The following UBP1 variants were observed in gnomAD, a reference collection of about 807,000 sequenced individuals.
The protein encoded by UBP1 is upstream binding protein 1.
In UBP1, 22 loss-of-function variants were observed where a neutral mutation model predicts 76.1. That is an observed-to-expected ratio of 0.29 (90% CI 0.21 to 0.41). UBP1 has a LOEUF of 0.41. Ranked by LOEUF, UBP1 falls within the 10% of genes least tolerant of loss-of-function variation. The pLI is 1.00. For synonymous variants in UBP1, 224 were observed against 237.1 expected (o/e 0.94, Z 0.51); for missense variants, 436 against 668.1 (o/e 0.65, Z 3.83).
chr3:33,439,021 G>GGATAAAGGGCGGAGACTAAGCTCA (rs1469989722), intron 1 of UBP1, among the ~76,000 whole-genome samples: 2 of 152,190 alleles, frequency 1.3e-5, no homozygotes, highest in Non-Finnish European at 2.9e-5. Flanking sequence ...CAGTTAAAAA[G>GGATAAAGGGCGGAGACTAAGCTCA]GATAAAGGGC....
At chr3:33,440,548 G>C (rs2045282026), upstream of UBP1, 1 of 152,304 alleles carries the variant, frequency 6.6e-6, no homozygotes, top group Non-Finnish European at 1.5e-5. Context: ...CCGCCCACGC[G>C]GCTGTTCCCA....
In UBP1 at chr3:33,408,782, T is replaced by C. The variant is rs2044496876; in HGVS notation, c.835A>G (p.Ile279Val). Residue 279 changes from isoleucine (I) to valine (V), a missense_variant, in exon 8 of 16, where the codon ATA (isoleucine) becomes GTA (valine). Ile to Val is a conservative substitution (Grantham distance 29). Around this residue, in one of 3 missense-constraint regions of UBP1, gnomAD observed 65 missense variants for 157.4 expected, o/e 0.41. Transcript: ENST00000283629. ...TCATGTTCAACTGCATCTTCAATTA[T>C]AGGCTCAAGCCTCATCTGGACAAAC... is the stretch of plus-strand genomic sequence containing the variant. The part of the protein sequence containing the change: ...TILTEMRLEP[I>V]IEDAVEHEQK... 3 of 1,613,874 alleles carry C rather than the reference T, an allele frequency of 1.9e-6. No individual in the cohort carries two copies. The highest frequency in any genetic ancestry group is 1.1e-5 in the South Asian group (1 of 91,052).
At chr3:33,439,592 C>A in intron 1 of UBP1, 144 bp downstream of exon 1, 1 of 878,916 alleles carries the variant, frequency 1.1e-6, no homozygotes, top group South Asian at 1.9e-5. Context: ...TCCATGGCCC[C>A]CGACCGCCAC....
chr3:33,394,845 G>C (rs1470520870), intron 13 of UBP1, among the ~76,000 whole-genome samples: 1 of 129,246 alleles, frequency 7.7e-6, no homozygotes, highest in Non-Finnish European at 1.6e-5. Flanking sequence ...TTTAAATAAA[G>C]TTTTACTGGA....
In UBP1 at chr3:33,419,204, T is replaced by C. The variant is rs2044817411; in HGVS notation, c.266-2370A>G. 2.0e-5 allele frequency among the ~76,000 whole-genome samples: 3 copies of C among 152,100 alleles called. No homozygotes were observed. The South Asian group carries it at 6.2e-4, about 32-fold the overall frequency. ...CAGGAGCTGACTTGAGGCAGAAAAA[T>C]CAAGAGTTGGCCAAGTGGAGTGGCT... On this transcript the variant is annotated intron_variant, in intron 2 of 15. Coordinates refer to ENST00000283629, the MANE Select transcript of UBP1 (RefSeq NM_014517.5).
chr3:33,421,869 C>T (rs576994544), intron 2 of UBP1, among the ~76,000 whole-genome samples: 1 of 152,114 alleles, frequency 6.6e-6, no homozygotes, highest in East Asian at 1.9e-4. Context: ...CATGGTAAAA[C>T]CCCATCCCTA....
chr3:33,431,513 G>A (rs1408260933), intron 1 of UBP1, among the ~76,000 whole-genome samples: 2 of 151,982 alleles, frequency 1.3e-5, no homozygotes, highest in African/African-American at 2.4e-5. Flanking sequence ...TGAGGCGGGC[G>A]GATCATTACA....
intron 1 of UBP1, among the ~76,000 whole-genome samples, chr3:33,434,364 T>C (rs1477199023): frequency 1.5e-5 from 2 of 137,920 alleles, no homozygotes; most frequent in African/African-American, 2.7e-5. Context: ...AGTGGAGCAA[T>C]CTCGGCTCAC....
intron 1 of UBP1, among the ~76,000 whole-genome samples, chr3:33,429,784 C>A (rs530549100): frequency 6.6e-6 from 1 of 152,320 alleles, no homozygotes; most frequent in South Asian, 2.1e-4. Flanking sequence ...ATCTAAAAAT[C>A]CAGCAATGTA....
At chr3:33,397,255 C>CGTG in intron 11 of UBP1, 120 bp from the exon 12 acceptor site, 1 of 674,196 alleles carries the variant, frequency 1.5e-6, no homozygotes, top group Non-Finnish European at 2.4e-6. Flanking sequence ...TGAATACACA[C>CGTG]ATACACATGA....
Position 33,416,661 on chromosome 3 carries a change from A to G in UBP1, c.342+97T>C, listed in dbSNP as rs555119662. The G allele has an allele frequency of 3.2e-6, 3 of 933,350 alleles. No individual in the cohort carries two copies. In the South Asian group the frequency reaches 5.6e-5, roughly 17 times the overall value. 57.8% of individuals were successfully genotyped at this position (933,350 alleles called of 1,614,324 possible). ...ATAGCTCATAAAGTTAAAAAGTTGT[A>G]ATACAACAATTATTGAAGTGAAATT... is the stretch of plus-strand genomic sequence containing the variant. On this transcript the variant is annotated intron_variant, in intron 3 of 15. Transcript: ENST00000283629.
chr3:33,425,563 T>C (rs748531001), intron 2 of UBP1, 27 bp downstream of exon 2: 3 of 1,490,452 alleles, frequency 2.0e-6, no homozygotes, highest in African/African-American at 1.4e-5. Context: ...AATTCTTACA[T>C]GTCAAATGTG....
rs373499387 is a variant in UBP1, at chr3:33,396,148, C to T, written c.1390+14G>A. On this transcript the variant is annotated intron_variant, in intron 13 of 15. Transcript: ENST00000283629. ...TCTCAGAAGTGACAGAATTGAGATG[C>T]CCTCAATACCTACCATAGGGTGCCC... 1 of 1,529,022 alleles carries T rather than the reference C, an allele frequency of 6.5e-7. No individual in the cohort carries two copies. The highest frequency in any genetic ancestry group is 9.0e-7 in the Non-Finnish European group (1 of 1,117,304). The allele number at this position is 1,529,022 out of a possible 1,614,324, so 94.7% of individuals were successfully genotyped here.
intron 1 of UBP1, among the ~76,000 whole-genome samples, chr3:33,438,132 T>C (rs1013997956): frequency 2.6e-4 from 40 of 152,226 alleles, no homozygotes; most frequent in African/African-American, 9.7e-4. Context: ...TCATCAAGAT[T>C]GTACTTCCTT....
chr3:33,403,983 T>C (rs1422085922), intron 8 of UBP1, among the ~76,000 whole-genome samples: 1 of 152,186 alleles, frequency 6.6e-6, no homozygotes, highest in Non-Finnish European at 1.5e-5. Flanking sequence ...CGGTGACTCA[T>C]GCCCCTAATC....
At chr3:33,432,041 A>G (rs1293521993) in intron 1 of UBP1, among the ~76,000 whole-genome samples, 3 of 152,200 alleles carry the variant, frequency 2.0e-5, no homozygotes, top group African/African-American at 7.2e-5. Flanking sequence ...AAGAAAGTTA[A>G]AACTGGCTGG....
chr3:33,425,860 G>A, intron 1 of UBP1, 119 bp from the exon 2 acceptor site: 4 of 894,654 alleles, frequency 4.5e-6, no homozygotes, highest in African/African-American at 2.0e-5. Flanking sequence ...AAACATTTAG[G>A]GATAGTTTTT....
At chr3:33,423,320 T>C (rs998610522) in intron 2 of UBP1, among the ~76,000 whole-genome samples, 1 of 152,002 alleles carries the variant, frequency 6.6e-6, no homozygotes, top group Admixed American at 6.6e-5. Flanking sequence ...ATTACAGGCG[T>C]GAGCCATCGT....
At position 33,434,721 on chromosome 3, in the gene UBP1, T is replaced by C. The variant is rs1349854468; in HGVS notation, c.113+5015A>G. On this transcript the variant is annotated intron_variant, in intron 1 of 15. Transcript: ENST00000283629. ...TTTTTTTTTTGAGATGGAGTCTCTC[T>C]CTGTCACCAGGCTGGAGCACAGTGG... 4.3e-5 allele frequency among the ~76,000 whole-genome samples: 6 copies of C among 139,404 alleles called. No homozygotes were observed. The Admixed American group carries it at 4.6e-4, about 11-fold the overall frequency. The allele number at this position is 139,404 out of a possible 152,430, so 91.5% of individuals were successfully genotyped here.
Sources: gnomAD v4.1 joint callset for allele counts (sites outside exome capture counted in the v4.1 genomes callset) on GRCh38, gnomAD v4.1.1 for gene constraint, gnomAD v4.1.1 regional missense constraint, MANE v1.5 for transcripts, NCBI Gene and HGNC (gene_info 2026-07-23, HGNC 2026-07-21) for gene names.